Variants in CACNA1D observed in about 807,000 individuals in gnomAD.
The protein encoded by CACNA1D is voltage-dependent L-type calcium channel subunit alpha-1D.
Under a neutral mutation model 257.1 loss-of-function variants are expected in CACNA1D, and 55 were observed. The observed-to-expected ratio is 0.21, with a 90% CI of 0.17 to 0.27. CACNA1D has a LOEUF of 0.27. CACNA1D is among the 10% of genes least tolerant of loss of function. The probability of loss-of-function intolerance (pLI) is 1.00; values close to 1 mark genes in which losing one functional copy is unlikely to be tolerated. For missense variants in CACNA1D, 1,876 were observed against 2,784.0 expected (o/e 0.67, Z 7.34); for synonymous variants, 980 against 1,014.9 (o/e 0.97, Z 0.65).
chr3:53,560,383 T>C (rs1193108301), intron 3 of CACNA1D, among the ~76,000 whole-genome samples: 1 of 152,214 alleles, frequency 6.6e-6, no homozygotes, highest in African/African-American at 2.4e-5. Context: ...AACTGGAGCC[T>C]CTATATTAGT....
At position 53,495,358 on chromosome 3, in the gene CACNA1D, G is replaced by A; in HGVS notation, c.67+125G>A. 1.8e-6 allele frequency: 2 copies of A among 1,111,122 alleles called. No homozygotes were observed. The highest frequency in any genetic ancestry group is 2.7e-6 in the Non-Finnish European group (2 of 730,406). The allele number at this position is 1,111,122 out of a possible 1,614,324, so 68.8% of individuals were successfully genotyped here. A position where few individuals can be genotyped will look rare whatever the true frequency, so the allele number is the denominator to read the frequency against. ...TTGGAGAGGGTGCTGCCAGCTCGGT[G>A]TCGTCTACACAGAGAGGGGACATGC... On this transcript the variant is annotated intron_variant, in intron 1 of 47. Transcript: ENST00000350061. The surrounding 1 kb of genome is among the most constrained non-coding windows in gnomAD (Gnocchi z 5.1).
intron 3 of CACNA1D, among the ~76,000 whole-genome samples, chr3:53,560,456 C>T (rs1467137904): frequency 6.6e-6 from 1 of 152,072 alleles, no homozygotes; most frequent in East Asian, 1.9e-4. Flanking sequence ...TTCTTGAGAT[C>T]CTAGGATGTA....
chr3:53,611,305 A>G (rs1355536334), intron 3 of CACNA1D, among the ~76,000 whole-genome samples: 1 of 152,212 alleles, frequency 6.6e-6, no homozygotes, highest in Non-Finnish European at 1.5e-5. Flanking sequence ...GGATTGCTTA[A>G]GTCCAGGAGT....
At chr3:53,627,538 T>A (rs1025942003) in intron 3 of CACNA1D, among the ~76,000 whole-genome samples, 2 of 147,806 alleles carry the variant, frequency 1.4e-5, no homozygotes, top group South Asian at 4.2e-4. Flanking sequence ...CTAGCTGTTA[T>A]CCTCTTCCAC....
intron 3 of CACNA1D, among the ~76,000 whole-genome samples, chr3:53,548,610 T>C (rs984839835): frequency 1.3e-5 from 2 of 152,104 alleles, no homozygotes; most frequent in African/African-American, 4.8e-5. Context: ...TTTCTTTTCC[T>C]GTCCCATCTG....
At position 53,751,799 on chromosome 3, in the gene CACNA1D, C is replaced by T; in HGVS notation, c.3567C>T (p.Ile1189=). 1 of 1,614,062 alleles carries T rather than the reference C, an allele frequency of 6.2e-7. No homozygotes were observed. The highest frequency in any genetic ancestry group is 1.3e-5 in the African/African-American group (1 of 75,028). Residue 1189 remains isoleucine (I), a synonymous_variant, in exon 28 of 48, where the codon ATC becomes ATT. Coordinates refer to ENST00000350061, the MANE Select transcript of CACNA1D (RefSeq NM_001128840.3). This position sits in a 1 kb window ranked among gnomAD's most constrained non-coding sequence, Gnocchi z 4.3. ...ALKARPLRRY[I]PKNPYQYKFW... Reference sequence around the variant, plus strand: ...AAGCACGTCCCTTGCGGAGATACATCCCCAAAAACCCCTACCAGTACAAGT... The same window carrying T: ...AAGCACGTCCCTTGCGGAGATACATTCCCAAAAACCCCTACCAGTACAAGT...
In CACNA1D at chr3:53,723,041, T is replaced by C. The variant is rs2094897347; in HGVS notation, c.1667-393T>C. Among the ~76,000 whole-genome samples, 1 of 152,176 alleles carries C rather than the reference T, an allele frequency of 6.6e-6. No individual in the cohort carries two copies. Among genetic ancestry groups the C allele is most frequent in the South Asian group, 2.1e-4 (1 of 4,828 alleles). Reference sequence around the variant, plus strand: ...CTGATATCGTCATGCCATAAATGAATTCAGACAGATCTTTTCTGTGTGATT... The same window carrying C: ...CTGATATCGTCATGCCATAAATGAACTCAGACAGATCTTTTCTGTGTGATT... On this transcript the variant is annotated intron_variant, in intron 12 of 47. Coordinates refer to ENST00000350061, the MANE Select transcript of CACNA1D (RefSeq NM_001128840.3). The surrounding 1 kb of genome is among the most constrained non-coding windows in gnomAD (Gnocchi z 5.6).
At chr3:53,682,545 A>C (rs1201388464) in intron 8 of CACNA1D, among the ~76,000 whole-genome samples, 2 of 142,022 alleles carry the variant, frequency 1.4e-5, no homozygotes, top group African/African-American at 2.7e-5. Flanking sequence ...GAGCAGAGTG[A>C]GACCCTGTCT....
At chr3:53,535,873 AG>A (rs575484104) in intron 3 of CACNA1D, among the ~76,000 whole-genome samples, 2 of 152,188 alleles carry the variant, frequency 1.3e-5, no homozygotes, top group Non-Finnish European at 2.9e-5. Flanking sequence ...CTTGAATTTT[AG>A]CACAGAGATA....
Position 53,732,798 on chromosome 3 carries a change from A to T in CACNA1D, c.2474-17A>T. On this transcript the variant is annotated splice_polypyrimidine_tract_variant and intron_variant, in intron 18 of 47. Transcript: ENST00000350061. ...AGTCTTTATTTCATGCCTATAAAAAAAGTATTTCATTTAAAGTAGGGGAAG... is the reference window on the plus strand; with the variant it reads ...AGTCTTTATTTCATGCCTATAAAAATAGTATTTCATTTAAAGTAGGGGAAG... The T allele has an allele frequency of 6.2e-7, 1 of 1,609,964 alleles. No individual in the cohort carries two copies. The highest frequency in any genetic ancestry group is 8.5e-7 in the Non-Finnish European group (1 of 1,176,178).
intron 8 of CACNA1D, 48 bp from the exon 9 acceptor site, chr3:53,702,593 G>T (rs370928457): frequency 7.5e-6 from 12 of 1,596,206 alleles, no homozygotes; most frequent in Non-Finnish European, 1.0e-5. Context: ...CAGGATGCAG[G>T]TCCCCAAGGA....
chr3:53,572,308 T>C (rs1296222672), intron 3 of CACNA1D, among the ~76,000 whole-genome samples: 9 of 152,242 alleles, frequency 5.9e-5, no homozygotes, highest in Non-Finnish European at 5.9e-5. Context: ...GATTTCTTTT[T>C]ATCCCTCTAC....
Position 53,751,663 on chromosome 3 carries a change from T to G in CACNA1D, c.3517-86T>G. 2 of 1,369,722 alleles carry G rather than the reference T, an allele frequency of 1.5e-6. No homozygotes were observed. Among genetic ancestry groups the G allele is most frequent in the Non-Finnish European group, 2.1e-6 (2 of 958,868 alleles). 84.8% of individuals were successfully genotyped at this position (1,369,722 alleles called of 1,614,324 possible). ...CGGCCCCTTCCCGGGAGCTGTAGGGTGAGCTCTTTCAGAGCAGATGACCAC... is the reference window on the plus strand; with the variant it reads ...CGGCCCCTTCCCGGGAGCTGTAGGGGGAGCTCTTTCAGAGCAGATGACCAC... On this transcript the variant is annotated intron_variant, in intron 27 of 47. Coordinates refer to ENST00000350061, the MANE Select transcript of CACNA1D (RefSeq NM_001128840.3). This position sits in a 1 kb window ranked among gnomAD's most constrained non-coding sequence, Gnocchi z 4.3.
In CACNA1D at chr3:53,704,352, TCTCC is replaced by T. The variant is rs2094661895; in HGVS notation, c.1390+1549_1390+1552del. 7.2e-5 allele frequency among the ~76,000 whole-genome samples: 11 copies of T among 152,176 alleles called. No homozygotes were observed. The South Asian group carries it at 2.3e-3, about 32-fold the overall frequency. On this transcript the variant is annotated intron_variant, in intron 9 of 47. Coordinates refer to ENST00000350061, the MANE Select transcript of CACNA1D (RefSeq NM_001128840.3). Reference sequence around the variant, plus strand: ...AGTGGGCAGGGTCAGGCCTCTCTTCTCTCCCTCCCTGCTTCTTGCCAGGCTCAGG... The same window carrying T: ...AGTGGGCAGGGTCAGGCCTCTCTTCTCTCCCTGCTTCTTGCCAGGCTCAGG...
At position 53,780,056 on chromosome 3, in the gene CACNA1D, A is replaced by G. The variant is rs2095417885; in HGVS notation, c.4618A>G (p.Ser1540Gly). Residue 1540 changes from serine (S) to glycine (G), a missense_variant, in exon 38 of 48, where the codon AGT (serine) becomes GGT (glycine). This residue lies in a region of CACNA1D where 83 missense variants were observed against 210.7 expected (regional missense o/e 0.39). Coordinates refer to ENST00000350061, the MANE Select transcript of CACNA1D (RefSeq NM_001128840.3). ...AGTTGCCATGAACATGCCTCTCAAC[A>G]GTGACGGGACAGTCATGTTTAATGC... Reference protein sequence around the residue: ...RLVAMNMPLNSDGTVMFNATL... With the variant: ...RLVAMNMPLNGDGTVMFNATL... The G allele has an allele frequency of 6.2e-7, 1 of 1,613,930 alleles. No homozygotes were observed. The highest frequency in any genetic ancestry group is 8.5e-7 in the Non-Finnish European group (1 of 1,179,866).
At chr3:53,549,375 G>C (rs978618318) in intron 3 of CACNA1D, among the ~76,000 whole-genome samples, 2 of 152,192 alleles carry the variant, frequency 1.3e-5, no homozygotes. Context: ...CCTTGAGACC[G>C]TGTGGATATA....
intron 3 of CACNA1D, among the ~76,000 whole-genome samples, chr3:53,648,558 C>A (rs1478770718): frequency 6.6e-6 from 1 of 152,134 alleles, no homozygotes; most frequent in Non-Finnish European, 1.5e-5. Flanking sequence ...TCGCATGCCT[C>A]CCGAGCAAGC....
chr3:53,727,021 C>A lies in CACNA1D; in HGVS notation c.2221+22C>A, dbSNP rs778192950. ...AACTGTATCCTTCAAGCCGACCAGG[C>A]TTTGTTGTTGCCGTCGTTATCTGGT... On this transcript the variant is annotated intron_variant, in intron 15 of 47. Transcript: ENST00000350061. The A allele has an allele frequency of 8.7e-6, 14 of 1,613,894 alleles. No homozygotes were observed. In the Admixed American group the frequency reaches 1.2e-4, roughly 13 times the overall value.
chr3:53,672,756 CTCTG>C (rs1234778419), intron 7 of CACNA1D, among the ~76,000 whole-genome samples: 14 of 105,562 alleles, frequency 1.3e-4, no homozygotes, highest in Non-Finnish European at 1.8e-4. Context: ...GCCTTGATGA[CTCTG>C]TGTGTGTGTG....
Sources: gnomAD v4.1 joint callset for allele counts (sites outside exome capture counted in the v4.1 genomes callset) on GRCh38, gnomAD v4.1.1 for gene constraint, gnomAD v4.1.1 regional missense constraint, Gnocchi (gnomAD v3.1) non-coding constraint, MANE v1.5 for transcripts, NCBI Gene and HGNC (gene_info 2026-07-23, HGNC 2026-07-21) for gene names.